Variants in ZDHHC2 observed in about 807,000 individuals in gnomAD.
ZDHHC2 encodes palmitoyltransferase ZDHHC2.
In ZDHHC2, 51 loss-of-function variants were observed where a neutral mutation model predicts 55.6. The observed-to-expected ratio is 0.92, with a 90% CI of 0.73 to 1.16. The LOEUF (loss-of-function observed/expected upper bound fraction) is 1.16, where lower values mean the gene tolerates loss of function less well. ZDHHC2 is among the 50% of genes most tolerant of loss of function. ZDHHC2 has a pLI of 0.00. For missense variants in ZDHHC2, 491 were observed against 442.4 expected (o/e 1.11, Z -0.99); for synonymous variants, 199 against 152.9 (o/e 1.30, Z -2.22).
Position 17,168,749 on chromosome 8 carries a change from G to C in ZDHHC2, c.130+11896G>C, listed in dbSNP as rs189632337. Reference sequence around the variant, plus strand: ...CTATGAGTGGAATCATACAATATTTGTCCTTTTGAATCTAGTTTATTTCAC... The same window carrying C: ...CTATGAGTGGAATCATACAATATTTCTCCTTTTGAATCTAGTTTATTTCAC... On this transcript the variant is annotated intron_variant, in intron 1 of 12. Coordinates refer to ENST00000262096, the MANE Select transcript of ZDHHC2 (RefSeq NM_016353.5). 5.3e-5 allele frequency among the ~76,000 whole-genome samples: 8 copies of C among 151,548 alleles called. No individual in the cohort carries two copies. In the East Asian group the frequency reaches 1.6e-3, roughly 30 times the overall value.
chr8:17,162,827 G>A (rs1804414448), intron 1 of ZDHHC2: 1 of 152,214 alleles, frequency 6.6e-6, no homozygotes, highest in African/African-American at 2.4e-5. Context: ...CATGTGAGTT[G>A]GCTTCCTGGC....
At chr8:17,169,252 T>A (rs930749394) in intron 1 of ZDHHC2, among the ~76,000 whole-genome samples, 16 of 136,996 alleles carry the variant, frequency 1.2e-4, no homozygotes, top group African/African-American at 4.2e-4. Flanking sequence ...TTTTTTTTTT[T>A]ACCATCTTGC....
chr8:17,184,706 A>C, intron 1 of ZDHHC2, 83 bp from the exon 2 acceptor site: 1 of 1,132,912 alleles, frequency 8.8e-7, no homozygotes, highest in Non-Finnish European at 1.3e-6. Flanking sequence ...CACATTATTA[A>C]GCTACTTAAA....
intron 1 of ZDHHC2, among the ~76,000 whole-genome samples, chr8:17,178,643 C>T (rs1040586370): frequency 6.6e-6 from 1 of 151,976 alleles, no homozygotes; most frequent in South Asian, 2.1e-4. Context: ...GTGTTTGGAC[C>T]AAGGGTTCTA....
At chr8:17,160,779 T>C (rs1159516273) in intron 1 of ZDHHC2, among the ~76,000 whole-genome samples, 1 of 152,220 alleles carries the variant, frequency 6.6e-6, no homozygotes, top group Non-Finnish European at 1.5e-5. Context: ...TTGCAAGCCG[T>C]GTGATCTCTG....
At chr8:17,160,661 G>A (rs1016230983) in intron 1 of ZDHHC2, among the ~76,000 whole-genome samples, 7 of 152,092 alleles carry the variant, frequency 4.6e-5, no homozygotes, top group African/African-American at 1.2e-4. Context: ...CTTTATTATC[G>A]TTTACAGAGA....
At chr8:17,165,221 G>A (rs1357390183) in intron 1 of ZDHHC2, among the ~76,000 whole-genome samples, 2 of 152,158 alleles carry the variant, frequency 1.3e-5, no homozygotes, top group Non-Finnish European at 1.5e-5. Context: ...AATTCCAGGG[G>A]CTAACTTGTG....
intron 1 of ZDHHC2, among the ~76,000 whole-genome samples, chr8:17,159,939 C>T (rs1024381848): frequency 1.3e-5 from 2 of 152,096 alleles, no homozygotes; most frequent in Non-Finnish European, 2.9e-5. Flanking sequence ...TTTTAACTCT[C>T]TTTGCTCTCT....
chr8:17,195,577 G>A lies in ZDHHC2; in HGVS notation c.326G>A (p.Arg109Lys). The A allele has an allele frequency of 6.2e-7, 1 of 1,613,912 alleles. No individual in the cohort carries two copies. Among genetic ancestry groups the A allele is most frequent in the South Asian group, 1.1e-5 (1 of 91,084 alleles). The change falls in exon 4 of 13, where the codon AGG (arginine) becomes AAG (lysine). Residue 109 changes from arginine (R) to lysine (K), a missense_variant. Coordinates refer to ENST00000262096, the MANE Select transcript of ZDHHC2 (RefSeq NM_016353.5). ...GGAGAAGCCCATCAGGAAGTTCTTA[G>A]GCGAGCAGCCAAGGATCTTCCCATC... ...PRGEAHQEVL[R>K]RAAKDLPIYT...
At chr8:17,215,140 T>C in intron 10 of ZDHHC2, 97 bp from the exon 11 acceptor site, 1 of 1,011,012 alleles carries the variant, frequency 9.9e-7, no homozygotes, top group Non-Finnish European at 1.5e-6. Flanking sequence ...TCATCTTGCA[T>C]TGCAAGTGGT....
At chr8:17,203,415 A>G (rs375523813) in intron 6 of ZDHHC2, among the ~76,000 whole-genome samples, 25 of 152,072 alleles carry the variant, frequency 1.6e-4, no homozygotes, top group African/African-American at 6.0e-4. Context: ...TATTTTTAGT[A>G]GAGACGGGTT....
intron 1 of ZDHHC2, 67 bp downstream of exon 1, chr8:17,156,920 C>A: frequency 1.4e-6 from 2 of 1,393,992 alleles, no homozygotes; most frequent in Non-Finnish European, 1.9e-6. Context: ...CCGGGACGCT[C>A]AGCCGCTCCT....
At chr8:17,201,718 G>A (rs1454369556) in intron 6 of ZDHHC2, among the ~76,000 whole-genome samples, 2 of 148,052 alleles carry the variant, frequency 1.4e-5, no homozygotes, top group East Asian at 4.0e-4. Context: ...GGATGGTCTC[G>A]ATCTCCTGAC....
In ZDHHC2 at chr8:17,198,627, C is replaced by G. The variant is rs1272786017; in HGVS notation, c.476+214C>G. ...CTTTTAAAACCAGTAGGTTAACAAC[C>G]TAAAAGTTAATATCGCATGTTAGCT... On this transcript the variant is annotated intron_variant, in intron 6 of 12. Coordinates refer to ENST00000262096, the MANE Select transcript of ZDHHC2 (RefSeq NM_016353.5). Among the ~76,000 whole-genome samples, 5 of 152,206 alleles carry G rather than the reference C, an allele frequency of 3.3e-5. No homozygotes were observed. The East Asian group carries it at 7.7e-4, about 24-fold the overall frequency.
chr8:17,185,674 A>G (rs1221458912), intron 2 of ZDHHC2, among the ~76,000 whole-genome samples: 1 of 152,142 alleles, frequency 6.6e-6, no homozygotes, highest in East Asian at 1.9e-4. Flanking sequence ...AAAAGGAAAG[A>G]AAAGAAAAGA....
intron 1 of ZDHHC2, among the ~76,000 whole-genome samples, chr8:17,170,314 C>T (rs966026497): frequency 6.6e-6 from 1 of 152,188 alleles, no homozygotes; most frequent in Non-Finnish European, 1.5e-5. Flanking sequence ...CCAGTGCTAT[C>T]GTGCAGCAAT....
chr8:17,170,418 G>T (rs955692244), intron 1 of ZDHHC2, among the ~76,000 whole-genome samples: 2 of 152,224 alleles, frequency 1.3e-5, no homozygotes, highest in Non-Finnish European at 2.9e-5. Flanking sequence ...AAACACAAAT[G>T]TAGGAATTAC....
At position 17,195,095 on chromosome 8, in the gene ZDHHC2, A is replaced by T. The variant is rs529133269; in HGVS notation, c.253-409A>T. On this transcript the variant is annotated intron_variant, in intron 3 of 12. Transcript: ENST00000262096. Reference sequence around the variant, plus strand: ...TTAAAACTCACTTAGGTAAGAAGATATGCTTAATGGATTTTCTACATTTGT... The same window carrying T: ...TTAAAACTCACTTAGGTAAGAAGATTTGCTTAATGGATTTTCTACATTTGT... Among the ~76,000 whole-genome samples, 4 of 152,328 alleles carry T rather than the reference A, an allele frequency of 2.6e-5. No homozygotes were observed. In the East Asian group the frequency reaches 7.7e-4, roughly 29 times the overall value.
chr8:17,174,134 A>G (rs1805007431), intron 1 of ZDHHC2, among the ~76,000 whole-genome samples: 1 of 150,948 alleles, frequency 6.6e-6, no homozygotes, highest in Non-Finnish European at 1.5e-5. Flanking sequence ...CTGTCTCCCA[A>G]TCTGGAATAC....
Sources: gnomAD v4.1 joint callset for allele counts (sites outside exome capture counted in the v4.1 genomes callset) on GRCh38, gnomAD v4.1.1 for gene constraint, MANE v1.5 for transcripts, NCBI Gene and HGNC (gene_info 2026-07-23, HGNC 2026-07-21) for gene names.